Variants in TRPS1 observed in about 807,000 individuals in gnomAD.
The protein encoded by TRPS1 is transcriptional repressor GATA binding 1, also known as zinc finger transcription factor Trps1.
In TRPS1, 6 loss-of-function variants were observed where a neutral mutation model predicts 101.2. The ratio of observed to expected loss-of-function variants is 0.06; its 90% CI spans 0.03 to 0.12. The LOEUF is 0.12. TRPS1 is among the 10% of genes least tolerant of loss of function. The probability of loss-of-function intolerance (pLI) is 1.00; values close to 1 mark genes in which losing one functional copy is unlikely to be tolerated. For synonymous variants in TRPS1, 578 were observed against 589.8 expected, an observed-to-expected ratio of 0.98 and a Z score of 0.29; for missense variants, 1,363 against 1,567.0, an observed-to-expected ratio of 0.87 and a Z score of 2.20.
intron 1 of TRPS1, among the ~76,000 whole-genome samples, chr8:115,665,101 A>G (rs530765818): frequency 6.6e-6 from 1 of 152,314 alleles, no homozygotes; most frequent in South Asian, 2.1e-4. Flanking sequence ...ACTGAAGTTA[A>G]AATATAATTA....
rs758068743 is a variant in TRPS1 at position 115,414,294 on chromosome 8, T to C, written c.3614A>G (p.Lys1205Arg). ...TACTACATTCAAGGGACCTTCATTT[T>C]TTACATTTGGTGGTGCCTTCGTTTT... ...KEKTKAPPNV[K>R]NEGPLNVVKT... The change falls in exon 7 of 7, where the codon AAA becomes AGA. Residue 1205 changes from lysine to arginine, a missense_variant. This residue lies in a region of TRPS1 where 307 missense variants were observed against 392.4 expected (regional missense o/e 0.78). Transcript: ENST00000395715. This position sits in a 1 kb window ranked among gnomAD's most constrained non-coding sequence, Gnocchi z 4.8. 3 of 1,613,884 alleles carry C rather than the reference T, an allele frequency of 1.9e-6. No homozygotes were observed. Among genetic ancestry groups the C allele is most frequent in the African/African-American group, 2.7e-5 (2 of 74,916 alleles).
At chr8:115,637,829 T>C (rs1260677519) in intron 1 of TRPS1, among the ~76,000 whole-genome samples, 1 of 151,326 alleles carries the variant, frequency 6.6e-6, no homozygotes, top group African/African-American at 2.5e-5. Context: ...GCTGATCAAC[T>C]CACTAACTTA....
At chr8:115,550,512 T>C (rs2130337402) in intron 5 of TRPS1, among the ~76,000 whole-genome samples, 1 of 152,328 alleles carries the variant, frequency 6.6e-6, no homozygotes, top group East Asian at 1.9e-4. Flanking sequence ...TGACAATTAA[T>C]GCAAATTCAT....
At chr8:115,420,166 A>T (rs1228586678) in intron 5 of TRPS1, among the ~76,000 whole-genome samples, 1 of 152,056 alleles carries the variant, frequency 6.6e-6, no homozygotes, top group Admixed American at 6.6e-5. Context: ...CCCCCACCCG[A>T]CTCTGGACCA....
rs571120078 is a variant in TRPS1, at chr8:115,577,150, A to G, written c.2700+9851T>C. On this transcript the variant is annotated intron_variant, in intron 5 of 6. Coordinates refer to ENST00000395715, the MANE Select transcript of TRPS1 (RefSeq NM_014112.5). ...ATGTTAACAAGTAAAGTTTTTTTCC[A>G]CTGTTCAATGTACAAAAGAGGATGT... Among the ~76,000 whole-genome samples the G allele has an allele frequency of 2.0e-5, 3 of 152,210 alleles. No individual in the cohort carries two copies. The South Asian group carries it at 6.2e-4, about 32-fold the overall frequency.
At chr8:115,485,611 C>A (rs949729003) in intron 5 of TRPS1, among the ~76,000 whole-genome samples, 3 of 151,940 alleles carry the variant, frequency 2.0e-5, no homozygotes, top group Non-Finnish European at 4.4e-5. Context: ...CTATATATAT[C>A]ATCAATACTA....
chr8:115,610,217 A>G (rs993288990), intron 3 of TRPS1, among the ~76,000 whole-genome samples: 16 of 152,192 alleles, frequency 1.1e-4, no homozygotes, highest in African/African-American at 3.9e-4. Context: ...ATAGTCAAAG[A>G]GGTAAAAGCT....
intron 5 of TRPS1, among the ~76,000 whole-genome samples, chr8:115,572,119 A>G (rs6991522): frequency 0.011 from 1,738 of 152,282 alleles, 32 homozygotes; most frequent in African/African-American, 0.04. Context: ...TACTTAAAGC[A>G]TGCATGTCTT....
At chr8:115,651,740 G>A (rs1020197759) in intron 1 of TRPS1, among the ~76,000 whole-genome samples, 6 of 152,136 alleles carry the variant, frequency 3.9e-5, no homozygotes, top group East Asian at 1.9e-4. Flanking sequence ...TGAACATGCC[G>A]AGGAACAGAT....
At chr8:115,634,204 GT>G (rs1488105859) in intron 1 of TRPS1, among the ~76,000 whole-genome samples, 1 of 152,168 alleles carries the variant, frequency 6.6e-6, no homozygotes, top group African/African-American at 2.4e-5. Context: ...ATTCCACGGA[GT>G]TTCTCAGACA....
At chr8:115,492,484 TGCGTG>T (rs1815050420) in intron 5 of TRPS1, among the ~76,000 whole-genome samples, 1 of 74,924 alleles carries the variant, frequency 1.3e-5, no homozygotes, top group Non-Finnish European at 4.8e-5. Flanking sequence ...TGTGTGTGCG[TGCGTG>T]TGCGTGTTCG....
At chr8:115,506,039 C>T (rs1815435117) in intron 5 of TRPS1, among the ~76,000 whole-genome samples, 1 of 151,840 alleles carries the variant, frequency 6.6e-6, no homozygotes, top group Non-Finnish European at 1.5e-5. Flanking sequence ...CATTTAATTA[C>T]CATTATTTCT....
At chr8:115,508,100 T>C (rs1185689859) in intron 5 of TRPS1, among the ~76,000 whole-genome samples, 1 of 152,134 alleles carries the variant, frequency 6.6e-6, no homozygotes, top group African/African-American at 2.4e-5. Context: ...TTTATTTAAA[T>C]TAAGCCAATG....
chr8:115,504,569 T>C (rs1421514237), intron 5 of TRPS1, among the ~76,000 whole-genome samples: 1 of 152,134 alleles, frequency 6.6e-6, no homozygotes, highest in Non-Finnish European at 1.5e-5. Context: ...TAAACACAGT[T>C]GTGTATGTGT....
chr8:115,425,549 C>A (rs1466123037), intron 5 of TRPS1, among the ~76,000 whole-genome samples: 1 of 152,188 alleles, frequency 6.6e-6, no homozygotes, highest in Non-Finnish European at 1.5e-5. Flanking sequence ...TAAGACTTAT[C>A]CCACTGACAA....
rs1483215760 is a variant in TRPS1 at position 115,632,960 on chromosome 8, TGCACTTTTCAGCTA to T, written c.-121-9216_-121-9203del. On this transcript the variant is annotated intron_variant, in intron 1 of 6. Transcript: ENST00000395715. ...CATTGAGCTACAGACTTAAGATCTGTGCACTTTTCAGCTAAAGTTTAAGAGTGTGTGTGCGATTT... is the reference window on the plus strand; with the variant it reads ...CATTGAGCTACAGACTTAAGATCTGTAAGTTTAAGAGTGTGTGTGCGATTT... 3.3e-5 allele frequency among the ~76,000 whole-genome samples: 5 copies of T among 152,176 alleles called. No individual in the cohort carries two copies. The South Asian group carries it at 1.0e-3, about 31-fold the overall frequency.
At chr8:115,646,675 G>A (rs1480919158) in intron 1 of TRPS1, among the ~76,000 whole-genome samples, 1 of 152,062 alleles carries the variant, frequency 6.6e-6, no homozygotes, top group Non-Finnish European at 1.5e-5. Context: ...AGTGTTTCTG[G>A]TGCTGTGCTT....
chr8:115,475,273 T>C (rs1814574047), intron 5 of TRPS1, among the ~76,000 whole-genome samples: 1 of 47,466 alleles, frequency 2.1e-5, no homozygotes, highest in Non-Finnish European at 5.3e-5. Flanking sequence ...CAGTTATATA[T>C]ATATATATAT....
intron 5 of TRPS1, among the ~76,000 whole-genome samples, chr8:115,490,759 C>T (rs1815000752): frequency 6.6e-6 from 1 of 152,060 alleles, no homozygotes; most frequent in African/African-American, 2.4e-5. Flanking sequence ...AAGAATCTTA[C>T]CTTTAAGTTA....
Sources: gnomAD v4.1 joint callset for allele counts (sites outside exome capture counted in the v4.1 genomes callset) on GRCh38, gnomAD v4.1.1 for gene constraint, gnomAD v4.1.1 regional missense constraint, Gnocchi (gnomAD v3.1) non-coding constraint, MANE v1.5 for transcripts, NCBI Gene and HGNC (gene_info 2026-07-23, HGNC 2026-07-21) for gene names.